Variants in HS3ST2 observed in about 807,000 individuals in gnomAD.
HS3ST2 encodes the protein heparan sulfate glucosamine 3-O-sulfotransferase 2.
HS3ST2 carries 17 observed loss-of-function variants against 26.3 expected under a neutral mutation model. The observed-to-expected ratio is 0.65, with a 90% CI of 0.44 to 0.97. HS3ST2 has a LOEUF of 0.97. HS3ST2 is among the 50% of genes least tolerant of loss of function. The pLI is 0.00. For synonymous variants in HS3ST2, 237 were observed against 219.2 expected, an observed-to-expected ratio of 1.08 and a Z score of -0.72; for missense variants, 402 against 501.2, an observed-to-expected ratio of 0.80 and a Z score of 1.89.
At position 22,914,382 on chromosome 16, in the gene HS3ST2, A is replaced by G. The variant is rs1031298950; in HGVS notation, c.486-562A>G. On this transcript the variant is annotated intron_variant, in intron 1 of 1. Transcript: ENST00000261374. ...TCCACAATTTATTTAGCTCACTGTG[A>G]TGGATGTTTAGATTGTTTCCAGGCT... Among the ~76,000 whole-genome samples, 13 of 152,138 alleles carry G rather than the reference A, an allele frequency of 8.5e-5. No individual in the cohort carries two copies. In the East Asian group the frequency reaches 1.9e-3, roughly 23 times the overall value.
intron 1 of HS3ST2, among the ~76,000 whole-genome samples, chr16:22,832,296 C>A (rs1263567268): frequency 6.6e-6 from 1 of 151,970 alleles, no homozygotes; most frequent in African/African-American, 2.4e-5. Context: ...TGTCCCTGAT[C>A]TGAAGATAAA....
chr16:22,879,518 G>A (rs1222713928), intron 1 of HS3ST2, among the ~76,000 whole-genome samples: 1 of 152,152 alleles, frequency 6.6e-6, no homozygotes, highest in Non-Finnish European at 1.5e-5. Context: ...CTGCTGGGGG[G>A]CATCCCAGTT....
chr16:22,815,675 G>A (rs1900854560), intron 1 of HS3ST2, among the ~76,000 whole-genome samples: 1 of 152,162 alleles, frequency 6.6e-6, no homozygotes, highest in African/African-American at 2.4e-5. Flanking sequence ...ACCCCCAGTA[G>A]CTCTGGCCCT....
intron 1 of HS3ST2, among the ~76,000 whole-genome samples, chr16:22,901,091 C>T (rs766987409): frequency 2.8e-4 from 43 of 152,142 alleles, no homozygotes; most frequent in African/African-American, 9.4e-4. Flanking sequence ...ACGGGACTCT[C>T]GCAGCTTTGA....
At chr16:22,839,584 CT>C (rs1195161093) in intron 1 of HS3ST2, among the ~76,000 whole-genome samples, 1 of 150,958 alleles carries the variant, frequency 6.6e-6, no homozygotes, top group Non-Finnish European at 1.5e-5. Flanking sequence ...TAACTTCAGT[CT>C]TTTTCTTCAA....
rs540000761 is a variant in HS3ST2 at position 22,848,640 on chromosome 16, C to G, written c.485+33545C>G. Among the ~76,000 whole-genome samples the G allele has an allele frequency of 6.6e-4, 101 of 152,324 alleles. 1 individual carries two copies. Among genetic ancestry groups the G allele is most frequent in the Admixed American group, 4.3e-3 (66 of 15,292 alleles). On this transcript the variant is annotated intron_variant, in intron 1 of 1. Transcript: ENST00000261374. ...GCCTCCACAACTGCATTCCCTGGCT[C>G]TGTTTCTCTGCATTCAGTCTTGAGC... is the stretch of plus-strand genomic sequence containing the variant.
rs867828882 is a variant in HS3ST2, at chr16:22,818,729, C to T, written c.485+3634C>T. 1.5e-3 allele frequency among the ~76,000 whole-genome samples: 72 copies of T among 48,904 alleles called. 1 individual carries two copies. The highest frequency in any genetic ancestry group is 3.9e-3 in the Admixed American group (20 of 5,068). 32.1% of individuals were successfully genotyped at this position (48,904 alleles called of 152,430 possible). On this transcript the variant is annotated intron_variant, in intron 1 of 1. Coordinates refer to ENST00000261374, the MANE Select transcript of HS3ST2 (RefSeq NM_006043.2). ...CTTCCCTCCTTCCTTCCTTCCCTCC[C>T]TCCCTCCTTCCCTTCCTTCCTTCCT...
intron 1 of HS3ST2, among the ~76,000 whole-genome samples, chr16:22,855,692 CTCTG>C (rs1157862310): frequency 2.3e-5 from 3 of 129,498 alleles, no homozygotes; most frequent in African/African-American, 8.7e-5. Flanking sequence ...CTCTCTGTCT[CTCTG>C]TCTCTCTCTC....
chr16:22,847,120 C>G (rs1010722183), intron 1 of HS3ST2, among the ~76,000 whole-genome samples: 3 of 152,116 alleles, frequency 2.0e-5, no homozygotes, highest in Non-Finnish European at 4.4e-5. Context: ...TCTTTCTGAT[C>G]CTTGCCCTCT....
chr16:22,832,536 G>T (rs543456302), intron 1 of HS3ST2, among the ~76,000 whole-genome samples: 82 of 152,116 alleles, frequency 5.4e-4, no homozygotes, highest in Admixed American at 2.0e-3. Context: ...CCTGAATGAT[G>T]TTGGGGTCTG....
intron 1 of HS3ST2, among the ~76,000 whole-genome samples, chr16:22,858,048 G>A (rs554018205): frequency 2.0e-5 from 3 of 151,706 alleles, no homozygotes; most frequent in Non-Finnish European, 4.4e-5. Context: ...GACCCCAAAG[G>A]TAAAAGAATA....
chr16:22,912,292 G>A (rs1297689322), intron 1 of HS3ST2, among the ~76,000 whole-genome samples: 1 of 152,238 alleles, frequency 6.6e-6, no homozygotes, highest in Non-Finnish European at 1.5e-5. Context: ...ATGAAAAAGA[G>A]TTGGTGAAGG....
At chr16:22,823,365 G>A (rs1901029515) in intron 1 of HS3ST2, among the ~76,000 whole-genome samples, 1 of 152,150 alleles carries the variant, frequency 6.6e-6, no homozygotes, top group African/African-American at 2.4e-5. Context: ...GGTAAAGAAG[G>A]AGAGATAATA....
intron 1 of HS3ST2, among the ~76,000 whole-genome samples, chr16:22,863,444 T>C (rs1289496877): frequency 1.3e-5 from 2 of 152,214 alleles, no homozygotes; most frequent in African/African-American, 4.8e-5. Flanking sequence ...TTTTAACTTT[T>C]ATTTTAGATT....
chr16:22,837,590 C>CACAT (rs141505730), intron 1 of HS3ST2, among the ~76,000 whole-genome samples: 20 of 145,112 alleles, frequency 1.4e-4, no homozygotes, highest in African/African-American at 2.3e-4. Flanking sequence ...CACACACACA[C>CACAT]GGACATATAT....
chr16:22,840,396 T>G (rs1235012754), intron 1 of HS3ST2, among the ~76,000 whole-genome samples: 1 of 152,158 alleles, frequency 6.6e-6, no homozygotes, highest in Non-Finnish European at 1.5e-5. Flanking sequence ...TTTTTTTTTT[T>G]TCTTGAGACA....
At chr16:22,821,769 A>T (rs1900997947) in intron 1 of HS3ST2, among the ~76,000 whole-genome samples, 1 of 152,100 alleles carries the variant, frequency 6.6e-6, no homozygotes, top group Admixed American at 6.6e-5. Context: ...TGTGAGGTTC[A>T]CAAGCAGCTT....
At chr16:22,865,493 T>G (rs1596619059) in intron 1 of HS3ST2, among the ~76,000 whole-genome samples, 1 of 148,822 alleles carries the variant, frequency 6.7e-6, no homozygotes, top group South Asian at 2.2e-4. Flanking sequence ...GAGGCGGAGG[T>G]TGCAGTGAGC....
intron 1 of HS3ST2, among the ~76,000 whole-genome samples, chr16:22,882,570 C>T (rs576147803): frequency 1.4e-4 from 21 of 152,034 alleles, no homozygotes; most frequent in African/African-American, 4.1e-4. Context: ...CCTGTCTCCA[C>T]TAAAAATAAA....
Sources: gnomAD v4.1 joint callset for allele counts (sites outside exome capture counted in the v4.1 genomes callset) on GRCh38, gnomAD v4.1.1 for gene constraint, MANE v1.5 for transcripts, NCBI Gene and HGNC (gene_info 2026-07-23, HGNC 2026-07-21) for gene names.